Variants in RNF180 observed in about 807,000 individuals in gnomAD.
The protein encoded by RNF180 is E3 ubiquitin-protein ligase RNF180.
In RNF180, 38 loss-of-function variants were observed where a neutral mutation model predicts 59.2. That is an observed-to-expected ratio of 0.64 (90% CI 0.50 to 0.84). The LOEUF (loss-of-function observed/expected upper bound fraction) is 0.84. Ranked by LOEUF, RNF180 falls within the 40% of genes least tolerant of loss-of-function variation. RNF180 has a pLI of 0.00. For missense variants in RNF180, 705 were observed against 700.9 expected, an observed-to-expected ratio of 1.01 and a Z score of -0.07; for synonymous variants, 262 against 240.3, an observed-to-expected ratio of 1.09 and a Z score of -0.84.
At chr5:64,220,631 G>C (rs1363789327) in intron 5 of RNF180, among the ~76,000 whole-genome samples, 1 of 151,922 alleles carries the variant, frequency 6.6e-6, no homozygotes, top group African/African-American at 2.4e-5. Flanking sequence ...TAGTTGCATA[G>C]TATTTCCTAA....
chr5:64,286,684 T>C (rs1054354400), intron 5 of RNF180, among the ~76,000 whole-genome samples: 9 of 152,240 alleles, frequency 5.9e-5, no homozygotes, highest in Non-Finnish European at 8.8e-5. Context: ...TTAAAATGAA[T>C]ACAGAAGTAC....
rs201157772 is a variant in RNF180, at chr5:64,306,265, CT to C, written c.1228-18920del. ...AATTCAATCTGAGAATCAAAAACAA[CT>C]GTTTGAAAGAGTATGTATTATACTG... On this transcript the variant is annotated intron_variant, in intron 5 of 7. Coordinates refer to ENST00000389100, the MANE Select transcript of RNF180 (RefSeq NM_001113561.2). Among the ~76,000 whole-genome samples the C allele has an allele frequency of 7.2e-3, 1,092 of 151,620 alleles. 7 individuals are homozygous for C. Among genetic ancestry groups the C allele is most frequent in the Non-Finnish European group, 0.012 (807 of 67,710 alleles).
chr5:64,255,909 G>A (rs896206504), intron 5 of RNF180, among the ~76,000 whole-genome samples: 2 of 152,116 alleles, frequency 1.3e-5, no homozygotes, highest in African/African-American at 4.8e-5. Flanking sequence ...GTGTAAGATG[G>A]TATCTCATTG....
chr5:64,299,774 A>G (rs1743068426), intron 5 of RNF180, among the ~76,000 whole-genome samples: 2 of 151,922 alleles, frequency 1.3e-5, no homozygotes, highest in African/African-American at 2.4e-5. Context: ...GTCCTCCTGT[A>G]TCTGTGGTTT....
At chr5:64,178,059 C>A (rs890088473) in intron 1 of RNF180, among the ~76,000 whole-genome samples, 3 of 151,990 alleles carry the variant, frequency 2.0e-5, no homozygotes, top group Admixed American at 6.5e-5. Context: ...CAAAAATTAG[C>A]TGGGCATGGT....
chr5:64,238,037 T>C (rs146307782), intron 5 of RNF180, among the ~76,000 whole-genome samples: 1 of 152,332 alleles, frequency 6.6e-6, no homozygotes, highest in East Asian at 1.9e-4. Context: ...AACAGACTAA[T>C]ACAGTCTATG....
intron 1 of RNF180, among the ~76,000 whole-genome samples, chr5:64,182,146 A>G (rs1281859263): frequency 1.3e-5 from 2 of 151,506 alleles, no homozygotes; most frequent in East Asian, 1.9e-4. Context: ...GCCCACCACC[A>G]CGCCTGGCTA....
chr5:64,364,191 C>T (rs971538552), intron 7 of RNF180, among the ~76,000 whole-genome samples: 6 of 151,704 alleles, frequency 4.0e-5, no homozygotes, highest in Admixed American at 1.3e-4. Flanking sequence ...CAGCTTTTGC[C>T]GATTCAGTAT....
intron 5 of RNF180, among the ~76,000 whole-genome samples, chr5:64,313,883 A>G (rs1305589679): frequency 6.6e-6 from 1 of 151,990 alleles, no homozygotes; most frequent in Non-Finnish European, 1.5e-5. Flanking sequence ...TGTGGCTTTG[A>G]TTTGCATTTA....
chr5:64,349,683 C>T (rs182195083), intron 7 of RNF180, among the ~76,000 whole-genome samples: 33 of 151,808 alleles, frequency 2.2e-4, no homozygotes, highest in South Asian at 1.2e-3. Context: ...TGAGAACATG[C>T]GGTGTTTGGT....
chr5:64,339,717 A>G (rs1329188697), intron 7 of RNF180, among the ~76,000 whole-genome samples: 3 of 151,942 alleles, frequency 2.0e-5, no homozygotes, highest in Non-Finnish European at 4.4e-5. Flanking sequence ...CACACACACA[A>G]AATTGCGAAG....
intron 5 of RNF180, among the ~76,000 whole-genome samples, chr5:64,265,677 T>C (rs1482452405): frequency 6.6e-6 from 1 of 152,206 alleles, no homozygotes; most frequent in Non-Finnish European, 1.5e-5. Context: ...TCCAGCTTTG[T>C]TCTTTTTGCT....
intron 1 of RNF180, among the ~76,000 whole-genome samples, chr5:64,193,255 A>G (rs1345561547): frequency 6.6e-6 from 1 of 152,054 alleles, no homozygotes; most frequent in Non-Finnish European, 1.5e-5. Context: ...GCACTTTAAA[A>G]TATGTTAAGA....
Position 64,259,508 on chromosome 5 carries a change from T to G in RNF180, c.1227+42112T>G, listed in dbSNP as rs183380557. 3.2e-4 allele frequency among the ~76,000 whole-genome samples: 49 copies of G among 152,340 alleles called. 1 individual carries two copies. The highest frequency in any genetic ancestry group is 1.0e-3 in the African/African-American group (43 of 41,594). ...TCAACTCACACAGCTTAGCTCTGTA[T>G]CTACTCACCAAGACTTCTTAGAGAC... is the stretch of plus-strand genomic sequence containing the variant. On this transcript the variant is annotated intron_variant, in intron 5 of 7. Coordinates refer to ENST00000389100, the MANE Select transcript of RNF180 (RefSeq NM_001113561.2).
chr5:64,203,806 G>A (rs1372585561), intron 2 of RNF180, among the ~76,000 whole-genome samples: 3 of 151,876 alleles, frequency 2.0e-5, no homozygotes, highest in Non-Finnish European at 4.4e-5. Flanking sequence ...TTGGTAGTGG[G>A]CATATTGGTA....
intron 7 of RNF180, among the ~76,000 whole-genome samples, chr5:64,337,501 C>T (rs1437966869): frequency 1.3e-5 from 2 of 151,602 alleles, no homozygotes; most frequent in African/African-American, 2.4e-5. Flanking sequence ...TATTTTTTTG[C>T]AATCTTTTTT....
intron 5 of RNF180, among the ~76,000 whole-genome samples, chr5:64,234,052 T>A (rs759002401): frequency 1.1e-4 from 17 of 152,344 alleles, no homozygotes; most frequent in South Asian, 2.1e-4. Context: ...CCCTGGTGAT[T>A]TAGCTGTATG....
intron 7 of RNF180, among the ~76,000 whole-genome samples, chr5:64,348,984 C>T (rs991567188): frequency 6.6e-6 from 1 of 152,040 alleles, no homozygotes; most frequent in Non-Finnish European, 1.5e-5. Context: ...TTTTAACTAC[C>T]TGTGAGTCAT....
intron 1 of RNF180, among the ~76,000 whole-genome samples, chr5:64,186,239 T>A (rs990874668): frequency 2.6e-5 from 4 of 152,152 alleles, no homozygotes; most frequent in Non-Finnish European, 4.4e-5. Flanking sequence ...AATCCTTTCT[T>A]GATTACTGAT....
Sources: gnomAD v4.1 joint callset for allele counts (sites outside exome capture counted in the v4.1 genomes callset) on GRCh38, gnomAD v4.1.1 for gene constraint, MANE v1.5 for transcripts, NCBI Gene and HGNC (gene_info 2026-07-23, HGNC 2026-07-21) for gene names.